Variants in ERBB4 observed in about 807,000 individuals in gnomAD.
The protein encoded by ERBB4 is erb-b2 receptor tyrosine kinase 4, also known as receptor tyrosine-protein kinase erbB-4.
ERBB4 carries 42 observed loss-of-function variants against 158.0 expected under a neutral mutation model. The observed-to-expected ratio is 0.27, with a 90% CI of 0.21 to 0.34. The LOEUF is 0.34. Among genes scored for constraint, ERBB4 ranks in the 10% least tolerant of loss-of-function variants. ERBB4 has a pLI of 1.00. For synonymous variants in ERBB4, 583 were observed against 558.7 expected (o/e 1.04, Z -0.61); for missense variants, 1,333 against 1,624.1 (o/e 0.82, Z 3.08).
chr2:211,492,090 C>T (rs2065357594), intron 20 of ERBB4, among the ~76,000 whole-genome samples: 1 of 150,802 alleles, frequency 6.6e-6, no homozygotes, highest in African/African-American at 2.4e-5. Context: ...AAGAATTAAG[C>T]AAGTGAGTTT....
At chr2:212,035,939 G>A (rs1324708467) in intron 2 of ERBB4, among the ~76,000 whole-genome samples, 1 of 152,064 alleles carries the variant, frequency 6.6e-6, no homozygotes, top group East Asian at 1.9e-4. Context: ...TCCTATAGAG[G>A]AAAAGAAGAC....
intron 1 of ERBB4, among the ~76,000 whole-genome samples, chr2:212,201,169 C>G (rs1487680199): frequency 6.6e-6 from 1 of 152,040 alleles, no homozygotes; most frequent in Non-Finnish European, 1.5e-5. Context: ...ATAACTTGGC[C>G]TGATGCTTAA....
chr2:212,112,339 C>G (rs551392401), intron 2 of ERBB4, among the ~76,000 whole-genome samples: 1 of 152,116 alleles, frequency 6.6e-6, no homozygotes, highest in African/African-American at 2.4e-5. Flanking sequence ...TCCTTATACC[C>G]ACTGTCCCCA....
intron 1 of ERBB4, among the ~76,000 whole-genome samples, chr2:212,507,313 T>C (rs1166186069): frequency 6.6e-6 from 1 of 152,060 alleles, no homozygotes; most frequent in Non-Finnish European, 1.5e-5. Context: ...AATGCTGTTT[T>C]CATGCCTGGT....
At chr2:212,058,926 G>A (rs1344392489) in intron 2 of ERBB4, among the ~76,000 whole-genome samples, 1 of 152,098 alleles carries the variant, frequency 6.6e-6, no homozygotes, top group Non-Finnish European at 1.5e-5. Context: ...ACGTAGTGTT[G>A]GAAGTTCTGG....
chr2:211,705,457 G>C, intron 9 of ERBB4, 66 bp from the exon 10 acceptor site: 1 of 1,017,032 alleles, frequency 9.8e-7, no homozygotes, highest in Non-Finnish European at 1.6e-6. Flanking sequence ...TATGAGAAAT[G>C]TGACAATATT....
intron 1 of ERBB4, among the ~76,000 whole-genome samples, chr2:212,442,349 G>A (rs1225299281): frequency 1.3e-5 from 2 of 152,128 alleles, no homozygotes; most frequent in Non-Finnish European, 1.5e-5. Flanking sequence ...GGGAGGCTGG[G>A]TCCCTTTGAG....
At chr2:211,666,608 G>C (rs1465941783) in intron 14 of ERBB4, among the ~76,000 whole-genome samples, 1 of 152,124 alleles carries the variant, frequency 6.6e-6, no homozygotes, top group Non-Finnish European at 1.5e-5. Flanking sequence ...TTTGGTAAAT[G>C]CTATCTTTCT....
chr2:211,920,000 G>T (rs765409281), intron 3 of ERBB4, among the ~76,000 whole-genome samples: 23 of 151,910 alleles, frequency 1.5e-4, no homozygotes, highest in Admixed American at 8.5e-4. Flanking sequence ...CCCTCTCCTT[G>T]TATATGTGTG....
chr2:211,812,301 T>C (rs1318286570), intron 3 of ERBB4, among the ~76,000 whole-genome samples: 2 of 152,230 alleles, frequency 1.3e-5, no homozygotes, highest in African/African-American at 2.4e-5. Context: ...CTGCTGGAGT[T>C]TGCTGGAGGT....
intron 2 of ERBB4, among the ~76,000 whole-genome samples, chr2:211,985,586 A>G (rs2081917842): frequency 6.6e-6 from 1 of 152,142 alleles, no homozygotes; most frequent in Non-Finnish European, 1.5e-5. Context: ...AAACATCTAA[A>G]TGCCAAGTCA....
intron 1 of ERBB4, among the ~76,000 whole-genome samples, chr2:212,231,439 G>C (rs2083662842): frequency 6.6e-6 from 1 of 152,120 alleles, no homozygotes; most frequent in Non-Finnish European, 1.5e-5. Context: ...CATTACTTCA[G>C]ACTGAAACGG....
intron 20 of ERBB4, among the ~76,000 whole-genome samples, chr2:211,500,686 T>C (rs1055992234): frequency 1.3e-5 from 2 of 152,086 alleles, no homozygotes; most frequent in African/African-American, 4.8e-5. Flanking sequence ...TTTCTTTTAA[T>C]ATTCTATATG....
At chr2:211,589,256 C>T (rs1279812244) in intron 19 of ERBB4, among the ~76,000 whole-genome samples, 2 of 152,018 alleles carry the variant, frequency 1.3e-5, no homozygotes, top group African/African-American at 4.8e-5. Context: ...ATTCCTATTC[C>T]CTCAAGTAAT....
intron 2 of ERBB4, among the ~76,000 whole-genome samples, chr2:211,989,289 C>T (rs1219221454): frequency 3.3e-5 from 5 of 151,796 alleles, no homozygotes; most frequent in African/African-American, 1.2e-4. Flanking sequence ...TAAAATATTC[C>T]CTAGCAAAGC....
At chr2:211,432,051 G>A (rs565630876) in intron 20 of ERBB4, among the ~76,000 whole-genome samples, 16 of 152,232 alleles carry the variant, frequency 1.1e-4, no homozygotes, top group South Asian at 2.1e-4. Flanking sequence ...ACCTGAGGCC[G>A]AGATTAGAGT....
intron 1 of ERBB4, among the ~76,000 whole-genome samples, chr2:212,337,449 C>T (rs1401715997): frequency 6.6e-6 from 1 of 152,064 alleles, no homozygotes; most frequent in Non-Finnish European, 1.5e-5. Flanking sequence ...TGCAACAAAT[C>T]CGCTTTCACA....
intron 2 of ERBB4, among the ~76,000 whole-genome samples, chr2:211,994,704 T>C (rs2082157914): frequency 6.6e-6 from 1 of 152,146 alleles, no homozygotes; most frequent in Non-Finnish European, 1.5e-5. Context: ...TAGACGTGAG[T>C]TGTACCTATC....
At chr2:212,161,316 A>C (rs1443768176) in intron 1 of ERBB4, among the ~76,000 whole-genome samples, 1 of 151,898 alleles carries the variant, frequency 6.6e-6, no homozygotes. Context: ...CCCCATACTA[A>C]CATAATTAAC....
Sources: allele counts gnomAD v4.1 joint callset (sites outside exome capture counted in the v4.1 genomes callset), GRCh38; gene constraint gnomAD v4.1.1; transcripts MANE v1.5; gene names NCBI Gene and HGNC (gene_info 2026-07-23, HGNC 2026-07-21).